HSD17B12: variants seen among roughly 807,000 people sequenced by gnomAD.
The protein encoded by HSD17B12 is hydroxysteroid 17-beta dehydrogenase 12.
Under a neutral mutation model 39.3 loss-of-function variants are expected in HSD17B12, and 32 were observed. That is an observed-to-expected ratio of 0.81 (90% CI 0.61 to 1.09). HSD17B12 has a LOEUF of 1.09. Among genes scored for constraint, HSD17B12 ranks in the 50% least tolerant of loss-of-function variants. The pLI, the probability that HSD17B12 is intolerant of heterozygous loss-of-function variation, is 0.00. For missense variants in HSD17B12, 342 were observed against 382.9 expected (o/e 0.89, Z 0.89); for synonymous variants, 150 against 146.7 (o/e 1.02, Z -0.16).
At chr11:43,563,179 T>TTC in the HSD17B12 span, among the ~76,000 whole-genome samples, 1 of 152,160 alleles carries the variant, frequency 6.6e-6, no homozygotes, top group Admixed American at 6.5e-5. Flanking sequence ...CAACACGAAC[T>TTC]TCTGTATGGC....
the HSD17B12 span, among the ~76,000 whole-genome samples, chr11:43,651,016 C>T: frequency 6.6e-6 from 1 of 152,136 alleles, no homozygotes. Context: ...GAATGTATCC[C>T]ATAAGGGGAG....
chr11:43,754,858 G>A (rs752848033), intron 3 of HSD17B12: 1 of 759,912 alleles, frequency 1.3e-6, no homozygotes, highest in Non-Finnish European at 2.4e-6. Flanking sequence ...AAAATCTTTT[G>A]AACTTTCTTC....
the HSD17B12 span, among the ~76,000 whole-genome samples, chr11:43,607,337 T>C: frequency 6.6e-6 from 1 of 151,594 alleles, no homozygotes; most frequent in East Asian, 1.9e-4. Flanking sequence ...CACCTCCTGG[T>C]ATAAATGCCC....
intron 6 of HSD17B12, among the ~76,000 whole-genome samples, chr11:43,828,582 T>C (rs1380083077): frequency 6.6e-6 from 1 of 152,122 alleles, no homozygotes; most frequent in African/African-American, 2.4e-5. Flanking sequence ...TTGCAAGTTA[T>C]GGTAACCTTT....
chr11:43,659,860 C>T, the HSD17B12 span, among the ~76,000 whole-genome samples: 17 of 152,196 alleles, frequency 1.1e-4, no homozygotes, highest in Non-Finnish European at 2.5e-4. Context: ...TATTTCAGCA[C>T]TGCAGGCTGA....
chr11:43,733,810 G>A (rs759275745), intron 1 of HSD17B12: 24 of 710,440 alleles, frequency 3.4e-5, no homozygotes, highest in Non-Finnish European at 5.3e-5. Flanking sequence ...GGTCTTAGCC[G>A]TTGCAGGAGG....
At chr11:43,654,117 G>T in the HSD17B12 span, among the ~76,000 whole-genome samples, 1 of 151,978 alleles carries the variant, frequency 6.6e-6, no homozygotes, top group South Asian at 2.1e-4. Flanking sequence ...TCTCATTGTG[G>T]TTTTGATTTG....
At chr11:43,729,178 A>G (rs1200255748) in intron 1 of HSD17B12, among the ~76,000 whole-genome samples, 2 of 152,222 alleles carry the variant, frequency 1.3e-5, no homozygotes, top group African/African-American at 2.4e-5. Context: ...ATAGAAAGTT[A>G]TGACATTTAA....
chr11:43,665,999 T>C, the HSD17B12 span, among the ~76,000 whole-genome samples: 1 of 152,256 alleles, frequency 6.6e-6, no homozygotes, highest in Non-Finnish European at 1.5e-5. Flanking sequence ...TATGGTTGTA[T>C]GTGGTTAACC....
intron 4 of HSD17B12, among the ~76,000 whole-genome samples, chr11:43,803,552 T>C (rs979425926): frequency 6.6e-6 from 1 of 152,152 alleles, no homozygotes; most frequent in Non-Finnish European, 1.5e-5. Flanking sequence ...CCCCATTTGT[T>C]TGAAGTGTTA....
chr11:43,754,217 T>C, intron 3 of HSD17B12, 96 bp downstream of exon 3: 1 of 819,872 alleles, frequency 1.2e-6, no homozygotes. Flanking sequence ...TCAGGAAACT[T>C]CTTTTTCAAG....
chr11:43,788,042 G>A (rs1015838883), intron 3 of HSD17B12, among the ~76,000 whole-genome samples: 2 of 152,134 alleles, frequency 1.3e-5, no homozygotes, highest in African/African-American at 4.8e-5. Flanking sequence ...TTAAAATAAA[G>A]GTACTGTGTG....
chr11:43,644,066 A>T, the HSD17B12 span, among the ~76,000 whole-genome samples: 2 of 152,190 alleles, frequency 1.3e-5, no homozygotes, highest in Non-Finnish European at 2.9e-5. Context: ...AAAATTTCCG[A>T]AGTTACTTTC....
the HSD17B12 span, among the ~76,000 whole-genome samples, chr11:43,661,306 T>C: frequency 6.6e-6 from 1 of 151,908 alleles, no homozygotes; most frequent in African/African-American, 2.4e-5. Flanking sequence ...GGGTTGGGGG[T>C]CAAAAAGGGC....
chr11:43,586,112 A>G, the HSD17B12 span, among the ~76,000 whole-genome samples: 1 of 152,238 alleles, frequency 6.6e-6, no homozygotes, highest in East Asian at 1.9e-4. Flanking sequence ...TTTTTTTTCC[A>G]CTAAGCATTT....
At chr11:43,681,670 ATTT>A (rs67174721) in intron 1 of HSD17B12, among the ~76,000 whole-genome samples, 1 of 147,382 alleles carries the variant, frequency 6.8e-6, no homozygotes, top group African/African-American at 2.5e-5. Flanking sequence ...TTAAAATCAG[ATTT>A]TTTTTTTTTT....
the HSD17B12 span, among the ~76,000 whole-genome samples, chr11:43,580,154 T>C: frequency 7.3e-6 from 1 of 136,726 alleles, no homozygotes; most frequent in Non-Finnish European, 1.6e-5. Flanking sequence ...ATGGATGGGA[T>C]GGAGGAGGGG....
At chr11:43,823,426 A>G (rs572656889) in intron 6 of HSD17B12, among the ~76,000 whole-genome samples, 1 of 152,176 alleles carries the variant, frequency 6.6e-6, no homozygotes, top group African/African-American at 2.4e-5. Flanking sequence ...ATGCACCACC[A>G]TGCCTAGCTA....
the HSD17B12 span, among the ~76,000 whole-genome samples, chr11:43,675,117 A>G: frequency 6.6e-6 from 1 of 152,248 alleles, no homozygotes; most frequent in Non-Finnish European, 1.5e-5. Context: ...GTGAACAAGA[A>G]AAGTTCACTG....
Sources: allele counts gnomAD v4.1 joint callset (sites outside exome capture counted in the v4.1 genomes callset), GRCh38; gene constraint gnomAD v4.1.1; transcripts MANE v1.5; gene names NCBI Gene and HGNC (gene_info 2026-07-23, HGNC 2026-07-21).